The following CDH26 variants were observed in gnomAD, a reference collection of about 807,000 sequenced individuals.
The protein encoded by CDH26 is cadherin-like protein 26.
In CDH26, 83 loss-of-function variants were observed where a neutral mutation model predicts 90.3. The observed-to-expected ratio is 0.92, with a 90% confidence interval of 0.77 to 1.10. The LOEUF is 1.10. CDH26 is among the 50% of genes least tolerant of loss of function. The pLI is 0.00. For synonymous variants in CDH26, 397 were observed against 396.3 expected (o/e 1.00, Z -0.02); for missense variants, 1,013 against 1,037.6 (o/e 0.98, Z 0.33).
chr20:60,027,105 T>C (rs2062003910), intron 7 of CDH26, among the ~76,000 whole-genome samples: 1 of 152,038 alleles, frequency 6.6e-6, no homozygotes, highest in Non-Finnish European at 1.5e-5. Context: ...GGTGGTCACT[T>C]AGCTCTCTGG....
intron 4 of CDH26, among the ~76,000 whole-genome samples, chr20:59,973,883 G>A (rs528268975): frequency 6.6e-6 from 1 of 152,346 alleles, no homozygotes; most frequent in African/African-American, 2.4e-5. Context: ...ATGATAGAAT[G>A]ATTTAAATTC....
intron 7 of CDH26, among the ~76,000 whole-genome samples, chr20:60,023,979 G>GAGAGAT (rs2061978192): frequency 6.9e-6 from 1 of 145,758 alleles, no homozygotes; most frequent in South Asian, 2.1e-4. Flanking sequence ...GAGAGAGAGA[G>GAGAGAT]AGAGAGAGAA....
chr20:59,998,555 A>C (rs1479824076), intron 13 of CDH26, among the ~76,000 whole-genome samples: 2 of 152,204 alleles, frequency 1.3e-5, no homozygotes, highest in Non-Finnish European at 2.9e-5. Context: ...CATGCTGGGC[A>C]AGGGGCTCTG....
At chr20:60,010,023 G>A (rs983778702) in intron 17 of CDH26, among the ~76,000 whole-genome samples, 1 of 152,044 alleles carries the variant, frequency 6.6e-6, no homozygotes, top group Non-Finnish European at 1.5e-5. Context: ...CCAGTCAATG[G>A]GCCAGATGTG....
At chr20:59,967,986 TCTTTCTTTCTTTCTTTCTTTCTTTCTTC>T (rs2061194574) in intron 1 of CDH26, among the ~76,000 whole-genome samples, 3 of 134,444 alleles carry the variant, frequency 2.2e-5, no homozygotes, top group African/African-American at 9.3e-5. Context: ...TTTCTTTCTT[TCTTTCTTTCTTTCTTTCTTTCTTTCTTC>T]CTTTCTCTCT....
chr20:59,986,577 G>C (rs558242292), intron 7 of CDH26, among the ~76,000 whole-genome samples: 1 of 151,254 alleles, frequency 6.6e-6, no homozygotes, highest in Non-Finnish European at 1.5e-5. Context: ...GCTTAGTAGT[G>C]TTCTACTTAA....
At chr20:59,986,327 C>T (rs143020873) in intron 7 of CDH26, among the ~76,000 whole-genome samples, 28 of 152,278 alleles carry the variant, frequency 1.8e-4, no homozygotes, top group African/African-American at 5.1e-4. Context: ...CATTGAAAAC[C>T]GCTGTGTAAG....
chr20:59,979,601 CTTTTTTTTTTTTTTTTTT>C (rs559969476), intron 4 of CDH26, among the ~76,000 whole-genome samples: 60 of 47,482 alleles, frequency 1.3e-3, no homozygotes, highest in East Asian at 3.9e-3. Context: ...CTGCTATGCA[CTTTTTTTTTTTTTTTTTT>C]TTTTTTTTTT....
intron 17 of CDH26, among the ~76,000 whole-genome samples, chr20:60,008,542 T>G (rs2061784840): frequency 6.6e-6 from 1 of 152,138 alleles, no homozygotes; most frequent in Admixed American, 6.5e-5. Context: ...GCCTCTGACT[T>G]GAGGTCCTGG....
Position 59,995,935 on chromosome 20 carries a change from T to G in CDH26, c.1769T>G (p.Val590Gly). Residue 590 changes from valine to glycine, a missense_variant, in exon 12 of 18, where the codon GTC becomes GGC. Coordinates refer to ENST00000348616, the MANE Select transcript of CDH26 (RefSeq NM_177980.4). ...CAGGGACTTTCCCAGAAGCAAACTGTCCATGTAAGGATCTGCCCCTGTGCC... is the reference window on the plus strand; with the variant it reads ...CAGGGACTTTCCCAGAAGCAAACTGGCCATGTAAGGATCTGCCCCTGTGCC... ...DKQGLSQKQT[V>G]HVRICPCASG... 6.2e-7 allele frequency: 1 copy of G among 1,614,214 alleles called. No homozygotes were observed. Among genetic ancestry groups the G allele is most frequent in the Non-Finnish European group, 8.5e-7 (1 of 1,180,032 alleles).
chr20:59,972,056 A>C lies in CDH26; in HGVS notation c.326A>C (p.Glu109Ala), dbSNP rs371632479. 8.3e-5 allele frequency: 134 copies of C among 1,614,116 alleles called. No individual in the cohort carries two copies. The highest frequency in any genetic ancestry group is 2.8e-4 in the Admixed American group (17 of 60,020). ...CCAGAGATTGGTTTGTTTTCTCTAG[A>C]AGATCATGAGAACGGAAGGATATAT... is the stretch of plus-strand genomic sequence containing the variant. Reference protein sequence around the residue: ...EYPEIGLFSLEDHENGRIYVH... With the variant: ...EYPEIGLFSLADHENGRIYVH... Residue 109 changes from glutamate to alanine, a missense_variant, in exon 4 of 18, where the codon GAA becomes GCA. Coordinates refer to ENST00000348616, the MANE Select transcript of CDH26 (RefSeq NM_177980.4).
chr20:59,965,957 C>G (rs759992599), intron 1 of CDH26, among the ~76,000 whole-genome samples: 24 of 152,058 alleles, frequency 1.6e-4, no homozygotes, highest in Non-Finnish European at 7.4e-5. Flanking sequence ...GGACATATTT[C>G]AGCCTATAAA....
At chr20:60,004,382 G>A (rs2061714737) in intron 16 of CDH26, among the ~76,000 whole-genome samples, 1 of 152,078 alleles carries the variant, frequency 6.6e-6, no homozygotes, top group African/African-American at 2.4e-5. Flanking sequence ...AGACCTCTTG[G>A]TGTAGCCTGT....
At chr20:60,028,942 G>A (rs2146034933) in intron 7 of CDH26, among the ~76,000 whole-genome samples, 1 of 152,278 alleles carries the variant, frequency 6.6e-6, no homozygotes, top group Non-Finnish European at 1.5e-5. Context: ...AATGTCCACA[G>A]ATAAATGAAC....
At chr20:60,007,802 C>A (rs915997729) in intron 17 of CDH26, among the ~76,000 whole-genome samples, 2 of 152,010 alleles carry the variant, frequency 1.3e-5, no homozygotes, top group Non-Finnish European at 2.9e-5. Flanking sequence ...GACCAGAAAA[C>A]AAGACCTGCT....
At chr20:59,999,301 A>G (rs759914849) in intron 13 of CDH26, among the ~76,000 whole-genome samples, 8 of 152,208 alleles carry the variant, frequency 5.3e-5, no homozygotes, top group Non-Finnish European at 1.2e-4. Flanking sequence ...TTCAATTCTG[A>G]GAGCTCCTGA....
chr20:60,024,481 T>A (rs141337445), intron 7 of CDH26, among the ~76,000 whole-genome samples: 4 of 152,340 alleles, frequency 2.6e-5, no homozygotes, highest in Non-Finnish European at 5.9e-5. Context: ...TCATCTCCCT[T>A]ATGTTGGATG....
chr20:60,002,085 A>T (rs2061684357), intron 15 of CDH26, among the ~76,000 whole-genome samples: 1 of 152,210 alleles, frequency 6.6e-6, no homozygotes, highest in Non-Finnish European at 1.5e-5. Flanking sequence ...TACTTTTCTG[A>T]TATAGAATTA....
intron 9 of CDH26, among the ~76,000 whole-genome samples, chr20:59,991,875 T>C (rs1183079293): frequency 2.6e-5 from 4 of 152,132 alleles, no homozygotes; most frequent in Non-Finnish European, 5.9e-5. Context: ...GGCCCACCCC[T>C]TACAGTGGTG....
Sources: gnomAD v4.1 joint callset for allele counts (sites outside exome capture counted in the v4.1 genomes callset) on GRCh38, gnomAD v4.1.1 for gene constraint, MANE v1.5 for transcripts, NCBI Gene and HGNC (gene_info 2026-07-23, HGNC 2026-07-21) for gene names.